ABCC1: variants seen among roughly 807,000 people sequenced by gnomAD.
The protein encoded by ABCC1 is ATP binding cassette subfamily C member 1 (ABCC1 blood group), also known as multidrug resistance-associated protein 1.
A neutral mutation model predicts 172.9 loss-of-function variants in ABCC1; 83 were observed. That is an observed-to-expected ratio of 0.48 (90% CI 0.40 to 0.58). The LOEUF is 0.58. ABCC1 is among the 20% of genes least tolerant of loss of function. The probability of loss-of-function intolerance (pLI) is 0.00; values close to 1 mark genes in which losing one functional copy is unlikely to be tolerated. For missense variants in ABCC1, 1,817 were observed against 2,002.7 expected (o/e 0.91, Z 1.77); for synonymous variants, 937 against 825.2 (o/e 1.14, Z -2.32).
chr16:16,027,689 T>C (rs2048422789), intron 5 of ABCC1, among the ~76,000 whole-genome samples: 1 of 152,184 alleles, frequency 6.6e-6, no homozygotes, highest in African/African-American at 2.4e-5. Context: ...GGTGTGCGTC[T>C]GTAGTCCCAG....
At chr16:15,982,307 G>C (rs1417173981) in intron 1 of ABCC1, among the ~76,000 whole-genome samples, 1 of 152,098 alleles carries the variant, frequency 6.6e-6, no homozygotes, top group Non-Finnish European at 1.5e-5. Context: ...AGACTGGGTA[G>C]TTTATAAAGG....
chr16:15,975,037 C>G (rs1240956057), intron 1 of ABCC1, among the ~76,000 whole-genome samples: 3 of 152,128 alleles, frequency 2.0e-5, no homozygotes, highest in East Asian at 1.9e-4. Flanking sequence ...TCCCCCCCAG[C>G]CTTGGCTTCC....
chr16:15,953,619 A>G (rs1325649082), intron 1 of ABCC1, among the ~76,000 whole-genome samples: 3 of 152,278 alleles, frequency 2.0e-5, no homozygotes, highest in Admixed American at 2.0e-4. Context: ...GGTCGTTGCC[A>G]CCTGGAATTC....
intron 22 of ABCC1, among the ~76,000 whole-genome samples, chr16:16,114,218 G>A (rs943546221): frequency 2.0e-5 from 3 of 152,152 alleles, no homozygotes; most frequent in Non-Finnish European, 4.4e-5. Flanking sequence ...CTGTAAGTTG[G>A]GTAGTAATAG....
At chr16:16,028,350 G>C (rs1050845075) in intron 5 of ABCC1, among the ~76,000 whole-genome samples, 2 of 152,124 alleles carry the variant, frequency 1.3e-5, no homozygotes, top group Non-Finnish European at 2.9e-5. Flanking sequence ...TCGCTGTCTC[G>C]TTTGCAGCTC....
At chr16:16,122,345 G>C (rs2152114151) in intron 24 of ABCC1, among the ~76,000 whole-genome samples, 171 bp downstream of exon 24, 1 of 152,300 alleles carries the variant, frequency 6.6e-6, no homozygotes, top group East Asian at 1.9e-4. Context: ...ATTAAGAGCA[G>C]ACAGCGGCAC....
At chr16:16,031,700 A>G (rs2048563340) in intron 5 of ABCC1, among the ~76,000 whole-genome samples, 1 of 148,608 alleles carries the variant, frequency 6.7e-6, no homozygotes, top group African/African-American at 2.5e-5. Flanking sequence ...TCATCTACTC[A>G]CCCTTCAGGT....
intron 1 of ABCC1, among the ~76,000 whole-genome samples, chr16:15,957,083 T>A (rs2046013893): frequency 6.6e-6 from 1 of 151,416 alleles, no homozygotes; most frequent in South Asian, 2.1e-4. Flanking sequence ...GCTTGTTTTT[T>A]TATTTTATTT....
rs569593480 is a variant in ABCC1, at chr16:16,055,998, A to G, written c.1474-94A>G. ...AAAAAACATTTACATGTCAAAGTAT[A>G]TAATAAAGTTTATGAGAAAAATAGC... On this transcript the variant is annotated intron_variant, in intron 11 of 30. Coordinates refer to ENST00000399410, the MANE Select transcript of ABCC1 (RefSeq NM_004996.4). The G allele has an allele frequency of 7.8e-5, 85 of 1,091,844 alleles. No individual in the cohort carries two copies. The African/African-American group carries it at 1.2e-3, about 16-fold the overall frequency. The allele number at this position is 1,091,844 out of a possible 1,614,324, so 67.6% of individuals were successfully genotyped here.
chr16:16,062,527 C>T (rs2049960464), intron 12 of ABCC1, among the ~76,000 whole-genome samples: 4 of 152,130 alleles, frequency 2.6e-5, no homozygotes, highest in Admixed American at 2.6e-4. Flanking sequence ...CTTTACTTAA[C>T]CTTTTCTTGA....
intron 1 of ABCC1, among the ~76,000 whole-genome samples, chr16:16,001,604 CTA>C (rs1238844471): frequency 6.6e-6 from 1 of 152,126 alleles, no homozygotes; most frequent in Non-Finnish European, 1.5e-5. Flanking sequence ...ATATCTAAGT[CTA>C]TGAATCTTCC....
At chr16:15,960,997 C>T (rs2046115386) in intron 1 of ABCC1, among the ~76,000 whole-genome samples, 1 of 130,964 alleles carries the variant, frequency 7.6e-6, no homozygotes, top group African/African-American at 2.9e-5. Context: ...GAATGAAACG[C>T]AGGTTTTTTT....
intron 1 of ABCC1, among the ~76,000 whole-genome samples, chr16:15,961,599 G>A (rs972653172): frequency 6.6e-6 from 1 of 152,164 alleles, no homozygotes; most frequent in Admixed American, 6.5e-5. Flanking sequence ...ATATGCAAAT[G>A]TATGTGCAAG....
Position 15,952,967 on chromosome 16 carries a change from TG to T in ABCC1, c.48+3173del, listed in dbSNP as rs539537667. Among the ~76,000 whole-genome samples the T allele has an allele frequency of 3.6e-3, 542 of 149,256 alleles. 2 individuals are homozygous for T. The highest frequency in any genetic ancestry group is 0.012 in the African/African-American group (477 of 40,384). On this transcript the variant is annotated intron_variant, in intron 1 of 30. Coordinates refer to ENST00000399410, the MANE Select transcript of ABCC1 (RefSeq NM_004996.4). ...AGGCACTAGAATCACTTGAAGGCTGTGGGGGTGGAGGTTGCAATGAGCTGAG... is the reference window on the plus strand; with the variant it reads ...AGGCACTAGAATCACTTGAAGGCTGTGGGGTGGAGGTTGCAATGAGCTGAG...
chr16:16,108,273 C>CT (rs79826916), intron 21 of ABCC1, among the ~76,000 whole-genome samples: 6,763 of 105,550 alleles, frequency 0.064, 406 homozygotes, highest in South Asian at 0.13. Flanking sequence ...TTCTTTGTGT[C>CT]TTTTTTTTTT....
In ABCC1 at chr16:15,952,412, G is replaced by C. The variant is rs575202617; in HGVS notation, c.48+2613G>C. Reference sequence around the variant, plus strand: ...TAGAAGTCAAGGTCAGTGGGCCTCGGGTGACTCTGTCAGAGCTTTGTTTCT... The same window carrying C: ...TAGAAGTCAAGGTCAGTGGGCCTCGCGTGACTCTGTCAGAGCTTTGTTTCT... On this transcript the variant is annotated intron_variant, in intron 1 of 30. Transcript: ENST00000399410. Among the ~76,000 whole-genome samples the C allele has an allele frequency of 6.2e-4, 95 of 152,076 alleles. 1 individual carries two copies. The South Asian group carries it at 6.4e-3, about 10-fold the overall frequency.
chr16:16,121,998 G>A lies in ABCC1; in HGVS notation c.3414G>A (p.Arg1138=), dbSNP rs767559704. The part of the protein sequence containing the change: ...FVQRFYVASS[R]QLKRLESVSR... ...AGAGGTTCTACGTGGCTTCCTCCCG[G>A]CAGCTGAAGCGCCTCGAGTCGGTCA... The change falls in exon 24 of 31, where the codon CGG becomes CGA. Residue 1138 remains arginine (R), a synonymous_variant. Coordinates refer to ENST00000399410, the MANE Select transcript of ABCC1 (RefSeq NM_004996.4). 1.2e-5 allele frequency: 20 copies of A among 1,614,180 alleles called. No individual in the cohort carries two copies. The highest frequency in any genetic ancestry group is 3.3e-5 in the Admixed American group (2 of 60,022).
chr16:16,012,700 TC>T (rs755546328), intron 3 of ABCC1, among the ~76,000 whole-genome samples: 7 of 149,530 alleles, frequency 4.7e-5, no homozygotes, highest in African/African-American at 1.3e-4. Context: ...TTTTTTTTTT[TC>T]CTTTGAGGCA....
chr16:16,134,622 GTTC>G lies in ABCC1; in HGVS notation c.4125+117_4125+119del, dbSNP rs1259091470. On this transcript the variant is annotated intron_variant, in intron 28 of 30. Coordinates refer to ENST00000399410, the MANE Select transcript of ABCC1 (RefSeq NM_004996.4). The stretch of plus-strand genomic sequence containing the variant: ...AACATACATTTGGCCCTACTTCATC[GTTC>G]TTTTTTTTTTTTTTTTTTTTTTTTT... 1.3e-3 allele frequency: 732 copies of G among 574,510 alleles called. 6 individuals carry two copies. The highest frequency in any genetic ancestry group is 8.3e-3 in the African/African-American group (338 of 40,586). The allele number at this position is 574,510 out of a possible 1,614,324, so 35.6% of individuals were successfully genotyped here. A position where few individuals can be genotyped will look rare whatever the true frequency, so the allele number is the denominator to read the frequency against.
Sources: allele counts gnomAD v4.1 joint callset (sites outside exome capture counted in the v4.1 genomes callset), GRCh38; gene constraint gnomAD v4.1.1; transcripts MANE v1.5; gene names NCBI Gene and HGNC (gene_info 2026-07-23, HGNC 2026-07-21).